Variants in GNAT3 observed in about 807,000 individuals in gnomAD.
GNAT3 encodes G protein subunit alpha transducin 3.
GNAT3 carries 31 observed loss-of-function variants against 37.7 expected under a neutral mutation model. That is an observed-to-expected ratio of 0.82 (90% confidence interval 0.62 to 1.11). GNAT3 has a LOEUF of 1.11. GNAT3 is among the 50% of genes most tolerant of loss of function. GNAT3 has a pLI of 0.00. For synonymous variants in GNAT3, 138 were observed against 139.8 expected (o/e 0.99, Z 0.09); for missense variants, 437 against 412.5 (o/e 1.06, Z -0.51).
At chr7:80,488,750 G>A (rs1472948413) in intron 2 of GNAT3, 74 bp from the exon 3 acceptor site, 10 of 1,131,756 alleles carry the variant, frequency 8.8e-6, no homozygotes, top group Admixed American at 6.5e-5. Flanking sequence ...CAACTAAGTT[G>A]CTTGAATAAA....
chr7:80,510,770 C>T (rs550657591), intron 1 of GNAT3, among the ~76,000 whole-genome samples: 2 of 152,234 alleles, frequency 1.3e-5, no homozygotes, highest in South Asian at 4.1e-4. Context: ...CTGAAACACT[C>T]TTGCCACTGG....
In GNAT3 at chr7:80,494,604, C is replaced by A. The variant is rs1182127500; in HGVS notation, c.161+1G>T. The A allele has an allele frequency of 1.3e-6, 2 of 1,497,150 alleles. No individual in the cohort carries two copies. Among genetic ancestry groups the A allele is most frequent in the South Asian group, 2.4e-5 (2 of 83,600 alleles). The allele number at this position is 1,497,150 out of a possible 1,614,324, so 92.7% of individuals were successfully genotyped here. A position where few individuals can be genotyped will look rare whatever the true frequency, so the allele number is the denominator to read the frequency against. The stretch of plus-strand genomic sequence containing the variant: ...AACACTTGAGACAGATGTATACCTA[C>A]TTCATTTGTTTAACAATAGTACTTT... On this transcript the variant is annotated splice_donor_variant, in intron 2 of 7. Transcript: ENST00000398291. LOFTEE classifies it high-confidence loss of function.
intron 3 of GNAT3, among the ~76,000 whole-genome samples, chr7:80,483,890 A>G (rs1483942206): frequency 6.6e-6 from 1 of 152,098 alleles, no homozygotes; most frequent in Admixed American, 6.6e-5. Flanking sequence ...CCTATGAGGT[A>G]TTTGGAAAAG....
intron 1 of GNAT3, among the ~76,000 whole-genome samples, chr7:80,507,286 T>C (rs946792887): frequency 1.3e-5 from 2 of 151,958 alleles, no homozygotes; most frequent in African/African-American, 2.4e-5. Flanking sequence ...GAAACAACTC[T>C]AGTTTCCTGG....
chr7:80,497,587 C>T (rs957502575), intron 1 of GNAT3, among the ~76,000 whole-genome samples: 3 of 134,950 alleles, frequency 2.2e-5, no homozygotes, highest in African/African-American at 6.0e-5. Context: ...TACGTATATA[C>T]ATATACGTAT....
At chr7:80,482,568 C>CA (rs1315528354) in intron 3 of GNAT3, among the ~76,000 whole-genome samples, 2 of 151,188 alleles carry the variant, frequency 1.3e-5, no homozygotes, top group East Asian at 3.9e-4. Context: ...GGCTGGAGTG[C>CA]AGTGGCACAA....
At chr7:80,489,378 C>G (rs918701146) in intron 2 of GNAT3, among the ~76,000 whole-genome samples, 1 of 152,014 alleles carries the variant, frequency 6.6e-6, no homozygotes, top group African/African-American at 2.4e-5. Context: ...ATGCCAGTTA[C>G]GTATTTTTGC....
At chr7:80,505,504 C>T (rs1790918021) in intron 1 of GNAT3, among the ~76,000 whole-genome samples, 1 of 152,068 alleles carries the variant, frequency 6.6e-6, no homozygotes, top group East Asian at 1.9e-4. Flanking sequence ...GTAGCTGGGA[C>T]TACAGGCGCC....
chr7:80,475,179 T>C (rs1790282983), intron 4 of GNAT3, among the ~76,000 whole-genome samples: 2 of 152,094 alleles, frequency 1.3e-5, no homozygotes, highest in East Asian at 1.9e-4. Flanking sequence ...GGAAGCTATA[T>C]TAAAAATTGT....
intron 2 of GNAT3, among the ~76,000 whole-genome samples, chr7:80,492,810 A>G (rs990239436): frequency 1.3e-5 from 2 of 151,556 alleles, no homozygotes; most frequent in Non-Finnish European, 2.9e-5. Context: ...CCATTTCTCA[A>G]AATCTCATTA....
At chr7:80,499,709 C>T (rs994453703) in intron 1 of GNAT3, among the ~76,000 whole-genome samples, 3 of 152,146 alleles carry the variant, frequency 2.0e-5, no homozygotes, top group African/African-American at 7.2e-5. Flanking sequence ...CATCAAAATT[C>T]TCTGTCCTTT....
chr7:80,483,345 AT>A lies in GNAT3; in HGVS notation c.304-4348del, dbSNP rs1790423513. 3.3e-5 allele frequency among the ~76,000 whole-genome samples: 5 copies of A among 152,200 alleles called. 1 individual carries two copies. The South Asian group carries it at 1.0e-3, about 32-fold the overall frequency. ...AGCTGGTATAATTTAAAGAATTACA[AT>A]TCTTTAAATTTAAAATTCCTTAAAG... On this transcript the variant is annotated intron_variant, in intron 3 of 7. Coordinates refer to ENST00000398291, the MANE Select transcript of GNAT3 (RefSeq NM_001102386.3).
At chr7:80,501,113 T>C (rs1457074843) in intron 1 of GNAT3, among the ~76,000 whole-genome samples, 3 of 152,142 alleles carry the variant, frequency 2.0e-5, no homozygotes, top group Non-Finnish European at 4.4e-5. Flanking sequence ...TAGAATTCCC[T>C]TATAAAGCAA....
intron 1 of GNAT3, among the ~76,000 whole-genome samples, chr7:80,511,350 CTAAT>C (rs1055989618): frequency 1.5e-3 from 233 of 152,150 alleles, no homozygotes; most frequent in Middle Eastern, 6.9e-3. Flanking sequence ...TCTAACTTGA[CTAAT>C]TGATTTTTAA....
intron 5 of GNAT3, among the ~76,000 whole-genome samples, chr7:80,466,476 G>A (rs1269704717): frequency 6.6e-6 from 1 of 152,054 alleles, no homozygotes; most frequent in Non-Finnish European, 1.5e-5. Flanking sequence ...ATTTCCTGCA[G>A]AGTGACCAAA....
chr7:80,508,638 T>C (rs919953186), intron 1 of GNAT3, among the ~76,000 whole-genome samples: 1 of 152,042 alleles, frequency 6.6e-6, no homozygotes, highest in African/African-American at 2.4e-5. Flanking sequence ...GCCTACTTTT[T>C]GCTAAAATAA....
intron 3 of GNAT3, among the ~76,000 whole-genome samples, chr7:80,482,717 G>A (rs906425173): frequency 6.8e-6 from 1 of 146,072 alleles, no homozygotes; most frequent in Admixed American, 6.8e-5. Flanking sequence ...TTTTTTAGTA[G>A]GGTCGAGGTT....
intron 5 of GNAT3, among the ~76,000 whole-genome samples, chr7:80,473,551 T>G (rs763451262): frequency 1.3e-5 from 2 of 152,166 alleles, no homozygotes; most frequent in Non-Finnish European, 2.9e-5. Flanking sequence ...TACTAAACAA[T>G]GCAGCTAGAA....
In GNAT3 at chr7:80,497,557, T is replaced by TACACATACGTATATAC. The variant is rs1562732597; in HGVS notation, c.119-2911_119-2910insGTATATACGTATGTGT. ...CTATATATATACACATATACGTATA[T>TACACATACGTATATAC]ACATATACGTATATACATATACGTA... On this transcript the variant is annotated intron_variant, in intron 1 of 7. Transcript: ENST00000398291. 3.6e-3 allele frequency among the ~76,000 whole-genome samples: 463 copies of TACACATACGTATATAC among 129,204 alleles called. 22 individuals carry two copies. Among genetic ancestry groups the TACACATACGTATATAC allele is most frequent in the African/African-American group, 0.012 (430 of 36,890 alleles). The allele number at this position is 129,204 out of a possible 152,430, so 84.8% of individuals were successfully genotyped here.
Sources: allele counts gnomAD v4.1 joint callset (sites outside exome capture counted in the v4.1 genomes callset), GRCh38; gene constraint gnomAD v4.1.1; transcripts MANE v1.5; gene names NCBI Gene and HGNC (gene_info 2026-07-23, HGNC 2026-07-21).